UTRN: variants seen among roughly 807,000 people sequenced by gnomAD.
UTRN encodes the protein dystrophin-related protein 1.
In UTRN, 283 loss-of-function variants were observed where a neutral mutation model predicts 463.9. That is an observed-to-expected ratio of 0.61 (90% CI 0.55 to 0.67). UTRN has a LOEUF of 0.67. Among genes scored for constraint, UTRN ranks in the 30% least tolerant of loss-of-function variants. The pLI, the probability that UTRN is intolerant of heterozygous loss-of-function variation, is 0.00. For synonymous variants in UTRN, 1,442 were observed against 1,431.5 expected, an observed-to-expected ratio of 1.01 and a Z score of -0.17; for missense variants, 3,922 against 4,084.3, an observed-to-expected ratio of 0.96 and a Z score of 1.08.
chr6:144,821,977 G>T (rs1779644985), intron 66 of UTRN, among the ~76,000 whole-genome samples: 1 of 152,044 alleles, frequency 6.6e-6, no homozygotes, highest in South Asian at 2.1e-4. Context: ...ACTCAAAAGT[G>T]TGAAGTTTTC....
intron 50 of UTRN, among the ~76,000 whole-genome samples, chr6:144,576,386 T>C (rs1801436979): frequency 6.6e-6 from 1 of 152,210 alleles, no homozygotes; most frequent in Non-Finnish European, 1.5e-5. Flanking sequence ...TCTTAACTCA[T>C]ATAACTCCAA....
At chr6:144,427,024 C>G (rs768364214) in intron 7 of UTRN, among the ~76,000 whole-genome samples, 3 of 152,148 alleles carry the variant, frequency 2.0e-5, no homozygotes, top group Non-Finnish European at 2.9e-5. Flanking sequence ...CCAATATAAG[C>G]TGAACCATAT....
chr6:144,477,181 A>G (rs1015121601), intron 25 of UTRN, among the ~76,000 whole-genome samples: 2 of 152,160 alleles, frequency 1.3e-5, no homozygotes, highest in Admixed American at 6.5e-5. Context: ...TTCTTTCCCA[A>G]TTGCTTTGAT....
chr6:144,504,598 GA>G, intron 34 of UTRN, among the ~76,000 whole-genome samples: 1 of 152,330 alleles, frequency 6.6e-6, no homozygotes, highest in Middle Eastern at 3.4e-3. Context: ...TTGCATCCCA[GA>G]GATGAAGCCG....
At chr6:144,429,444 A>G in intron 8 of UTRN, 137 bp from the exon 9 acceptor site, 4 of 672,050 alleles carry the variant, frequency 6.0e-6, no homozygotes, top group Non-Finnish European at 9.2e-6. Flanking sequence ...TGAAGTGGCA[A>G]TTTACTGGTA....
In UTRN at chr6:144,754,907, G is replaced by C. The variant is rs1007215405; in HGVS notation, c.8434+109G>C. 39 of 1,073,328 alleles carry C rather than the reference G, an allele frequency of 3.6e-5. 1 individual carries two copies. Among genetic ancestry groups the C allele is most frequent in the Admixed American group, 1.7e-4 (7 of 41,022 alleles). The allele number at this position is 1,073,328 out of a possible 1,614,324, so 66.5% of individuals were successfully genotyped here. A position where few individuals can be genotyped will look rare whatever the true frequency, so the allele number is the denominator to read the frequency against. On this transcript the variant is annotated intron_variant, in intron 57 of 74. Transcript: ENST00000367545. ...TGCTATAAATATGTTTATTTAGATAGATCCTTGTAAGGAGGTACTAACATC... is the reference window on the plus strand; with the variant it reads ...TGCTATAAATATGTTTATTTAGATACATCCTTGTAAGGAGGTACTAACATC...
intron 51 of UTRN, among the ~76,000 whole-genome samples, chr6:144,602,022 G>A (rs145086310): frequency 1.8e-4 from 27 of 152,064 alleles, no homozygotes; most frequent in African/African-American, 4.6e-4. Context: ...CCTTAACATT[G>A]TTGATAGGTT....
intron 2 of UTRN, among the ~76,000 whole-genome samples, chr6:144,307,906 A>G (rs1390560730): frequency 6.6e-6 from 1 of 151,998 alleles, no homozygotes; most frequent in African/African-American, 2.4e-5. Context: ...TGACATCAAA[A>G]GAAATTTCTT....
intron 2 of UTRN, among the ~76,000 whole-genome samples, chr6:144,389,383 T>C (rs1781703553): frequency 1.3e-5 from 2 of 152,222 alleles, no homozygotes; most frequent in Admixed American, 6.5e-5. Context: ...CACCGTTTAT[T>C]TTCCTTTCAC....
At chr6:144,515,254 C>T (rs933696365) in intron 37 of UTRN, among the ~76,000 whole-genome samples, 13 of 152,074 alleles carry the variant, frequency 8.5e-5, no homozygotes, top group Non-Finnish European at 1.6e-4. Flanking sequence ...TTGAATGGAG[C>T]ATTTGTCCGT....
chr6:144,809,894 T>TAGTTGAGGCTCCTG (rs1778461584), intron 65 of UTRN, among the ~76,000 whole-genome samples: 1 of 152,108 alleles, frequency 6.6e-6, no homozygotes, highest in South Asian at 2.1e-4. Flanking sequence ...AAAAGACAGA[T>TAGTTGAGGCTCCTG]TAACAAGAGA....
intron 73 of UTRN, among the ~76,000 whole-genome samples, chr6:144,841,037 G>A (rs543740361): frequency 2.0e-5 from 3 of 152,304 alleles, no homozygotes; most frequent in South Asian, 2.1e-4. Flanking sequence ...CAGTCGCAAC[G>A]CAATTCTGCT....
intron 50 of UTRN, among the ~76,000 whole-genome samples, chr6:144,558,505 A>G (rs549940791): frequency 4.5e-4 from 68 of 152,200 alleles, no homozygotes; most frequent in Admixed American, 1.3e-3. Context: ...ACCTTAAGAG[A>G]TAGCATTAGG....
intron 52 of UTRN, among the ~76,000 whole-genome samples, chr6:144,679,595 T>C (rs971707984): frequency 6.6e-6 from 1 of 152,176 alleles, no homozygotes; most frequent in Non-Finnish European, 1.5e-5. Context: ...TTAACACTCA[T>C]GATTGCTATG....
At chr6:144,432,063 C>T (rs995418725) in intron 9 of UTRN, among the ~76,000 whole-genome samples, 1 of 152,126 alleles carries the variant, frequency 6.6e-6, no homozygotes, top group Non-Finnish European at 1.5e-5. Flanking sequence ...TATACATGTG[C>T]CACGGGTGGT....
chr6:144,601,248 A>G (rs1322721872), intron 51 of UTRN, among the ~76,000 whole-genome samples: 1 of 152,178 alleles, frequency 6.6e-6, no homozygotes, highest in African/African-American at 2.4e-5. Context: ...ATGTTTCATA[A>G]AGCTATAGCT....
rs1197689032 is a variant in UTRN at position 144,732,247 on chromosome 6, T to TACAC, written c.7939+1762_7939+1763insCACA. ...ATATATATATATATATACATATATA[T>TACAC]ATATATATATACACACATATATATA... On this transcript the variant is annotated intron_variant, in intron 54 of 74. Coordinates refer to ENST00000367545, the MANE Select transcript of UTRN (RefSeq NM_007124.3). Among the ~76,000 whole-genome samples, 113 of 112,884 alleles carry TACAC rather than the reference T, an allele frequency of 1.0e-3. 4 individuals are homozygous for TACAC. In the East Asian group the frequency reaches 0.029, roughly 29 times the overall value. The allele number at this position is 112,884 out of a possible 152,430, so 74.1% of individuals were successfully genotyped here. A position where few individuals can be genotyped will look rare whatever the true frequency, so the allele number is the denominator to read the frequency against.
intron 47 of UTRN, among the ~76,000 whole-genome samples, chr6:144,550,637 A>G (rs769829534): frequency 3.3e-5 from 5 of 152,108 alleles, no homozygotes; most frequent in Non-Finnish European, 7.4e-5. Flanking sequence ...GGCATTTTTC[A>G]GCTTTTGAAG....
At chr6:144,450,963 A>G (rs568324348) in intron 17 of UTRN, among the ~76,000 whole-genome samples, 5 of 152,148 alleles carry the variant, frequency 3.3e-5, no homozygotes, top group Non-Finnish European at 5.9e-5. Context: ...AAATACAAAA[A>G]TTAGCTGGGT....
Sources: gnomAD v4.1 joint callset for allele counts (sites outside exome capture counted in the v4.1 genomes callset) on GRCh38, gnomAD v4.1.1 for gene constraint, MANE v1.5 for transcripts, NCBI Gene and HGNC (gene_info 2026-07-23, HGNC 2026-07-21) for gene names.